Variants in MARCHF4 observed in about 807,000 individuals in gnomAD.
MARCHF4 encodes the protein membrane associated ring-CH-type finger 4.
In MARCHF4, 14 loss-of-function variants were observed where a neutral mutation model predicts 43.9. The ratio of observed to expected loss-of-function variants is 0.32; its 90% CI spans 0.21 to 0.50. The LOEUF (loss-of-function observed/expected upper bound fraction) is 0.50, where lower values mean the gene tolerates loss of function less well. MARCHF4 is among the 20% of genes least tolerant of loss of function. The pLI is 0.98. For synonymous variants in MARCHF4, 226 were observed against 213.3 expected, an observed-to-expected ratio of 1.06 and a Z score of -0.52; for missense variants, 468 against 536.7, an observed-to-expected ratio of 0.87 and a Z score of 1.27.
At chr2:216,277,621 C>A in intron 3 of MARCHF4, 51 bp downstream of exon 3, 1 of 1,527,674 alleles carries the variant, frequency 6.5e-7, no homozygotes, top group South Asian at 1.3e-5. Flanking sequence ...TCTGTCCATC[C>A]CACGAGCACA....
At chr2:216,285,527 T>C (rs1415168541) in intron 1 of MARCHF4, among the ~76,000 whole-genome samples, 12 of 152,212 alleles carry the variant, frequency 7.9e-5, no homozygotes, top group Non-Finnish European at 4.4e-5. Flanking sequence ...CAATCCAATT[T>C]TGAGAGCTGA....
Position 216,264,859 on chromosome 2 carries a change from G to A in MARCHF4, c.866-5180C>T, listed in dbSNP as rs546570549. 1.4e-4 allele frequency among the ~76,000 whole-genome samples: 21 copies of A among 152,350 alleles called. No homozygotes were observed. The East Asian group carries it at 3.1e-3, about 22-fold the overall frequency. On this transcript the variant is annotated intron_variant, in intron 3 of 3. Transcript: ENST00000273067. ...TGGATAGTTGGCTGAAGGTGAAGAA[G>A]GTGGACCTGTTTTTCTAGATAATGC... is the stretch of plus-strand genomic sequence containing the variant.
intron 2 of MARCHF4, among the ~76,000 whole-genome samples, chr2:216,280,370 A>G (rs140893526): frequency 0.014 from 2,128 of 152,088 alleles, 58 homozygotes; most frequent in African/African-American, 0.048. Flanking sequence ...TGTGCCTTAG[A>G]ACAGGAAGGG....
intron 1 of MARCHF4, among the ~76,000 whole-genome samples, chr2:216,336,741 T>TAAAAAAAAAAAAAAAAAAAAAAAA (rs779932039): frequency 1.8e-5 from 1 of 54,132 alleles, no homozygotes; most frequent in East Asian, 1.1e-3. Context: ...GCAAATAGAT[T>TAAAAAAAAAAAAAAAAAAAAAAAA]TAAAAAAAAA....
intron 1 of MARCHF4, among the ~76,000 whole-genome samples, chr2:216,361,351 G>A (rs575701981): frequency 2.6e-5 from 4 of 152,170 alleles, no homozygotes; most frequent in South Asian, 2.1e-4. Flanking sequence ...GTCTGTCTGG[G>A]GCTGTCCATC....
At chr2:216,272,440 A>G (rs1223711127) in intron 3 of MARCHF4, among the ~76,000 whole-genome samples, 1 of 152,168 alleles carries the variant, frequency 6.6e-6, no homozygotes, top group Non-Finnish European at 1.5e-5. Context: ...GGGTCAAAAT[A>G]TTACTGGACT....
intron 1 of MARCHF4, among the ~76,000 whole-genome samples, chr2:216,332,168 A>G (rs1692089440): frequency 1.3e-5 from 2 of 152,160 alleles, no homozygotes; most frequent in Admixed American, 1.3e-4. Context: ...AGGCGAAAGG[A>G]TCACTTGAGC....
At chr2:216,365,322 GC>G (rs1692647277) in intron 1 of MARCHF4, among the ~76,000 whole-genome samples, 3 of 152,212 alleles carry the variant, frequency 2.0e-5, no homozygotes, top group Admixed American at 2.0e-4. Context: ...GGCAGATTAA[GC>G]CTGCTAAACT....
intron 1 of MARCHF4, among the ~76,000 whole-genome samples, chr2:216,350,611 C>G (rs921341984): frequency 6.6e-6 from 1 of 152,142 alleles, no homozygotes; most frequent in Non-Finnish European, 1.5e-5. Context: ...GCCTGCGGGC[C>G]CCTTCTCCCC....
At chr2:216,291,894 T>C (rs906901510) in intron 1 of MARCHF4, among the ~76,000 whole-genome samples, 5 of 152,238 alleles carry the variant, frequency 3.3e-5, no homozygotes, top group Admixed American at 6.5e-5. Flanking sequence ...AGGAGGGCTC[T>C]GGAACCCGTC....
At chr2:216,353,592 G>T (rs542568193) in intron 1 of MARCHF4, among the ~76,000 whole-genome samples, 18 of 152,194 alleles carry the variant, frequency 1.2e-4, no homozygotes, top group South Asian at 4.2e-4. Context: ...CTGTTGTCCA[G>T]GCTGGAGTGC....
At chr2:216,309,070 C>G (rs1691638389) in intron 1 of MARCHF4, among the ~76,000 whole-genome samples, 1 of 152,158 alleles carries the variant, frequency 6.6e-6, no homozygotes, top group Non-Finnish European at 1.5e-5. Context: ...AATCTTCACC[C>G]CAACCACCAA....
chr2:216,332,161 C>A (rs190319310), intron 1 of MARCHF4, among the ~76,000 whole-genome samples: 2 of 151,968 alleles, frequency 1.3e-5, no homozygotes, highest in African/African-American at 4.8e-5. Flanking sequence ...GAGGCCAAGG[C>A]GAAAGGATCA....
intron 1 of MARCHF4, among the ~76,000 whole-genome samples, chr2:216,362,663 C>G (rs1021485670): frequency 6.6e-6 from 1 of 152,178 alleles, no homozygotes; most frequent in Non-Finnish European, 1.5e-5. Flanking sequence ...TGGATAGAAC[C>G]TATATTTGGA....
At chr2:216,298,256 GTTTTTTTTTTT>G (rs559410456) in intron 1 of MARCHF4, among the ~76,000 whole-genome samples, 5 of 66,762 alleles carry the variant, frequency 7.5e-5, no homozygotes, top group Non-Finnish European at 1.3e-4. Context: ...AGTCTTTTAG[GTTTTTTTTTTT>G]TTTTTTTTTT....
chr2:216,305,944 A>G (rs1222069115), intron 1 of MARCHF4, among the ~76,000 whole-genome samples: 3 of 152,180 alleles, frequency 2.0e-5, no homozygotes, highest in Non-Finnish European at 4.4e-5. Context: ...TGTTCTCACC[A>G]GGACATCCCA....
At chr2:216,316,252 T>C (rs1376406324) in intron 1 of MARCHF4, among the ~76,000 whole-genome samples, 1 of 152,192 alleles carries the variant, frequency 6.6e-6, no homozygotes, top group Admixed American at 6.5e-5. Flanking sequence ...AGGTCACTTG[T>C]CCTGATAGCT....
chr2:216,259,373 T>C lies in MARCHF4; in HGVS notation c.1172A>G (p.His391Arg). 1.2e-6 allele frequency: 2 copies of C among 1,601,660 alleles called. No individual in the cohort carries two copies. Among genetic ancestry groups the C allele is most frequent in the Non-Finnish European group, 1.7e-6 (2 of 1,171,480 alleles). The part of the protein sequence containing the change: ...ILHILSHLRP[H>R]EQRSPPGSSR... ...GCTGCCTGGGGGACTTCGCTGTTCA[T>C]GAGGTCTCAAGTGACTCAGGATGTG... The change falls in exon 4 of 4, where the codon CAT (histidine) becomes CGT (arginine). Residue 391 changes from histidine to arginine, a missense_variant. By Grantham distance (29) the His-to-Arg change is conservative. This residue lies in a region of MARCHF4 where 120 missense variants were observed against 127.1 expected (regional missense o/e 0.94). Coordinates refer to ENST00000273067, the MANE Select transcript of MARCHF4 (RefSeq NM_020814.3).
chr2:216,275,572 C>G (rs1226337995), intron 3 of MARCHF4, among the ~76,000 whole-genome samples: 2 of 152,216 alleles, frequency 1.3e-5, no homozygotes, highest in Non-Finnish European at 2.9e-5. Context: ...TTTCCTCTCT[C>G]TGAGCCTCAG....
Sources: gnomAD v4.1 joint callset for allele counts (sites outside exome capture counted in the v4.1 genomes callset) on GRCh38, gnomAD v4.1.1 for gene constraint, gnomAD v4.1.1 regional missense constraint, MANE v1.5 for transcripts, NCBI Gene and HGNC (gene_info 2026-07-23, HGNC 2026-07-21) for gene names.